LNX1: variants seen among roughly 807,000 people sequenced by gnomAD.
LNX1 encodes E3 ubiquitin-protein ligase LNX.
Under a neutral mutation model 68.4 loss-of-function variants are expected in LNX1, and 54 were observed. The observed-to-expected ratio is 0.79, with a 90% confidence interval of 0.63 to 0.99. LNX1 has a LOEUF of 0.99. LNX1 is among the 50% of genes least tolerant of loss of function. The pLI is 0.00. For synonymous variants in LNX1, 336 were observed against 350.0 expected (o/e 0.96, Z 0.45); for missense variants, 906 against 926.4 (o/e 0.98, Z 0.29).
chr4:53,470,838 T>C (rs559548543), intron 9 of LNX1, among the ~76,000 whole-genome samples: 2 of 151,548 alleles, frequency 1.3e-5, no homozygotes, highest in African/African-American at 4.9e-5. Flanking sequence ...TGAAATAAAA[T>C]AGGATACAAA....
intron 2 of LNX1, among the ~76,000 whole-genome samples, chr4:53,613,771 G>A (rs1318955429): frequency 6.6e-6 from 1 of 152,116 alleles, no homozygotes; most frequent in Non-Finnish European, 1.5e-5. Context: ...CTGAATATAT[G>A]GGTGTATGTG....
chr4:53,504,045 G>T (rs1052158493), intron 4 of LNX1, among the ~76,000 whole-genome samples: 5 of 152,196 alleles, frequency 3.3e-5, no homozygotes, highest in African/African-American at 1.2e-4. Flanking sequence ...TGAGACAAGA[G>T]AATCACTTGA....
chr4:53,636,922 T>C (rs1334767208), intron 1 of LNX1, among the ~76,000 whole-genome samples: 2 of 151,494 alleles, frequency 1.3e-5, no homozygotes, highest in Non-Finnish European at 2.9e-5. Flanking sequence ...ACACTTATCT[T>C]GTATGCAGAC....
intron 1 of LNX1, chr4:53,576,070 C>G: frequency 6.4e-7 from 1 of 1,559,196 alleles, no homozygotes; most frequent in South Asian, 1.2e-5. Context: ...CTGCATCCCC[C>G]AAGACCTGGT....
intron 1 of LNX1, among the ~76,000 whole-genome samples, chr4:53,650,268 T>C (rs1202251008): frequency 6.6e-6 from 1 of 152,186 alleles, no homozygotes; most frequent in Non-Finnish European, 1.5e-5. Context: ...AGTAGGCACC[T>C]GTGCGGGGTG....
At chr4:53,560,447 C>T (rs1292444318) in intron 2 of LNX1, among the ~76,000 whole-genome samples, 1 of 152,312 alleles carries the variant, frequency 6.6e-6, no homozygotes, top group Non-Finnish European at 1.5e-5. Context: ...TTAACCTCCC[C>T]TTCTTCCTTA....
At chr4:53,641,643 CA>C (rs1315943938) in intron 1 of LNX1, among the ~76,000 whole-genome samples, 1 of 152,174 alleles carries the variant, frequency 6.6e-6, no homozygotes, top group Non-Finnish European at 1.5e-5. Context: ...AATCAAGGAA[CA>C]AATTCATTTT....
At chr4:53,525,389 G>C (rs936587801) in intron 2 of LNX1, among the ~76,000 whole-genome samples, 6 of 152,182 alleles carry the variant, frequency 3.9e-5, no homozygotes, top group African/African-American at 7.2e-5. Flanking sequence ...GGTTGAGGCA[G>C]GAGAATCGCT....
chr4:53,481,959 C>A, intron 6 of LNX1, 105 bp from the exon 7 acceptor site: 1 of 1,336,094 alleles, frequency 7.5e-7, no homozygotes, highest in East Asian at 2.7e-5. Context: ...TTTTTTATGG[C>A]AAAACATGAT....
chr4:53,570,991 C>T (rs1005829145), intron 2 of LNX1, among the ~76,000 whole-genome samples: 34 of 150,924 alleles, frequency 2.3e-4, no homozygotes, highest in African/African-American at 8.3e-4. Context: ...CGCGCCACTG[C>T]ACTCCAACCT....
intron 2 of LNX1, among the ~76,000 whole-genome samples, chr4:53,606,167 AAGAT>A (rs1343397271): frequency 5.3e-5 from 8 of 151,936 alleles, no homozygotes; most frequent in African/African-American, 1.7e-4. Flanking sequence ...TCTTTTTTGA[AAGAT>A]AGATAGACCA....
At chr4:53,527,886 G>A (rs1312407568) in intron 2 of LNX1, among the ~76,000 whole-genome samples, 1 of 152,174 alleles carries the variant, frequency 6.6e-6, no homozygotes, top group African/African-American at 2.4e-5. Context: ...AGGGATTCTA[G>A]TTCCATTACA....
At chr4:53,621,979 A>G (rs949299639), upstream of LNX1, among the ~76,000 whole-genome samples, 2 of 152,156 alleles carry the variant, frequency 1.3e-5, no homozygotes, top group African/African-American at 2.4e-5. Context: ...TTTTTTAAGC[A>G]CAAACAATTC....
chr4:53,645,521 T>C (rs1352685980), intron 1 of LNX1, among the ~76,000 whole-genome samples: 3 of 152,178 alleles, frequency 2.0e-5, no homozygotes, highest in Non-Finnish European at 4.4e-5. Flanking sequence ...TTCTGAGTAA[T>C]AGGATTGGCA....
At chr4:53,489,743 G>A (rs764142830) in intron 6 of LNX1, among the ~76,000 whole-genome samples, 30 of 152,080 alleles carry the variant, frequency 2.0e-4, no homozygotes, top group Non-Finnish European at 3.8e-4. Flanking sequence ...TGGAGCCCTA[G>A]ATAAAAATCA....
chr4:53,632,581 A>G (rs1423020103), intron 1 of LNX1, among the ~76,000 whole-genome samples: 1 of 152,232 alleles, frequency 6.6e-6, no homozygotes, highest in Non-Finnish European at 1.5e-5. Context: ...ATCAGGCTAA[A>G]GCTAGGTAGT....
At chr4:53,582,096 A>AGGTAGGGAGAGT (rs1553940946) in intron 1 of LNX1, among the ~76,000 whole-genome samples, 1 of 151,668 alleles carries the variant, frequency 6.6e-6, no homozygotes, top group Non-Finnish European at 1.5e-5. Context: ...TTAGAAACCT[A>AGGTAGGGAGAGT]AGAATATCAA....
chr4:53,466,426 AT>A (rs1453843141), intron 9 of LNX1, among the ~76,000 whole-genome samples: 2 of 152,222 alleles, frequency 1.3e-5, no homozygotes, highest in African/African-American at 4.8e-5. Context: ...GATGCAGAAG[AT>A]GGGTGATTTC....
chr4:53,649,525 C>T (rs1247312679), intron 1 of LNX1, among the ~76,000 whole-genome samples: 1 of 152,234 alleles, frequency 6.6e-6, no homozygotes, highest in African/African-American at 2.4e-5. Context: ...ACTGGCTCAT[C>T]TCCACAGCCT....
Sources: gnomAD v4.1 joint callset for allele counts (sites outside exome capture counted in the v4.1 genomes callset) on GRCh38, gnomAD v4.1.1 for gene constraint, MANE v1.5 for transcripts, NCBI Gene and HGNC (gene_info 2026-07-23, HGNC 2026-07-21) for gene names.